TRMO: variants seen among roughly 807,000 people sequenced by gnomAD.
TRMO encodes tRNA methyltransferase O.
TRMO carries 30 observed loss-of-function variants against 37.2 expected under a neutral mutation model. The observed-to-expected ratio is 0.81, with a 90% confidence interval of 0.60 to 1.09. The LOEUF is 1.09. TRMO is among the 50% of genes least tolerant of loss of function. The pLI is 0.00. For missense variants in TRMO, 552 were observed against 549.5 expected (o/e 1.00, Z -0.05); for synonymous variants, 239 against 199.4 (o/e 1.20, Z -1.67).
chr9:97,912,180 T>G (rs1587836052), intron 3 of TRMO: 1 of 152,248 alleles, frequency 6.6e-6, no homozygotes, highest in East Asian at 1.9e-4. Flanking sequence ...TGAACACTGT[T>G]TACTAACTGT....
chr9:97,900,113 C>T (rs190946641), downstream of TRMO, among the ~76,000 whole-genome samples: 304 of 152,204 alleles, frequency 2.0e-3, no homozygotes, highest in Non-Finnish European at 3.6e-3. Context: ...TTTAGGGACC[C>T]CCTAGATCCC....
In TRMO at chr9:97,922,431, C is replaced by T. The variant is rs1210999870; in HGVS notation, c.63G>A (p.Pro21=). 3.8e-6 allele frequency: 6 copies of T among 1,584,244 alleles called. No individual in the cohort carries two copies. The highest frequency in any genetic ancestry group is 1.8e-5 in the Admixed American group (1 of 55,004). ...PTATPCGCVK[P]ALETGNLLTE... ...GTTGGAAGTTACCTGTCTCCAGAGC[C>T]GGCTTAACGCAGCCGCACGGGGTCG... is the stretch of plus-strand genomic sequence containing the variant. Residue 21 remains proline, a synonymous_variant, in exon 1 of 5, where the codon CCG becomes CCA. Transcript: ENST00000375119.
intron 1 of TRMO, among the ~76,000 whole-genome samples, chr9:97,919,682 T>C (rs1826536945): frequency 6.6e-6 from 1 of 152,250 alleles, no homozygotes; most frequent in African/African-American, 2.4e-5. Flanking sequence ...ATTTATATTA[T>C]AGCTGATTTA....
chr9:97,913,872 A>G (rs891489853), intron 2 of TRMO: 7 of 237,696 alleles, frequency 2.9e-5, no homozygotes, highest in African/African-American at 6.8e-5. Flanking sequence ...GTAGTACGGT[A>G]AAACATTTTT....
At chr9:97,922,030 C>T (rs1172968567) in intron 1 of TRMO, among the ~76,000 whole-genome samples, 1 of 152,124 alleles carries the variant, frequency 6.6e-6, no homozygotes, top group Non-Finnish European at 1.5e-5. Context: ...AAACTTTCCC[C>T]CTTCTCTGTC....
chr9:97,911,734 A>G (rs1023309007), intron 3 of TRMO: 1 of 152,144 alleles, frequency 6.6e-6, no homozygotes, highest in African/African-American at 2.4e-5. Context: ...AATACTAAAG[A>G]CAAGTCTCCA....
At chr9:97,912,818 CG>C in intron 3 of TRMO, 1 of 740,162 alleles carries the variant, frequency 1.4e-6, no homozygotes, top group East Asian at 6.5e-5. Context: ...TCCATAAATG[CG>C]TAACTAGGTT....
chr9:97,903,810 T>C (rs1452704923), downstream of TRMO, among the ~76,000 whole-genome samples: 3 of 152,158 alleles, frequency 2.0e-5, no homozygotes, highest in African/African-American at 4.8e-5. Context: ...ACAGTAATTA[T>C]AGGCCAGGCA....
chr9:97,904,899 T>C lies in TRMO; in HGVS notation c.1160A>G (p.Tyr387Cys). 6.2e-7 allele frequency: 1 copy of C among 1,614,186 alleles called. No individual in the cohort carries two copies. Among genetic ancestry groups the C allele is most frequent in the South Asian group, 1.1e-5 (1 of 91,086 alleles). ...AVLSADPRSVYRRKLCQDRLF... is the reference protein window; with the variant it reads ...AVLSADPRSVCRRKLCQDRLF... Reference sequence around the variant, plus strand: ...GCGGTCCTGGCAAAGCTTCCGGCGGTACACAGACCGAGGATCCGCTGACAG... The same window carrying C: ...GCGGTCCTGGCAAAGCTTCCGGCGGCACACAGACCGAGGATCCGCTGACAG... Residue 387 changes from tyrosine (Y) to cysteine (C), a missense_variant, in exon 5 of 5, where the codon TAC (tyrosine) becomes TGC (cysteine). Tyr to Cys is a radical substitution (Grantham distance 194). Transcript: ENST00000375119.
the TRMO span, among the ~76,000 whole-genome samples, chr9:97,897,566 C>T: frequency 7.9e-5 from 12 of 152,304 alleles, no homozygotes; most frequent in East Asian, 1.7e-3. Flanking sequence ...AGGCCCACAG[C>T]TTAGCTCCCA....
intron 4 of TRMO, among the ~76,000 whole-genome samples, chr9:97,906,013 A>G (rs1825837868): frequency 6.6e-6 from 1 of 152,052 alleles, no homozygotes; most frequent in Non-Finnish European, 1.5e-5. Context: ...CACACAAAAA[A>G]ATTAGCCAGG....
chr9:97,900,757 C>T (rs1831151363), downstream of TRMO: 1 of 979,870 alleles, frequency 1.0e-6, no homozygotes, highest in Non-Finnish European at 1.2e-6. Context: ...TTTATTGAGT[C>T]TTCTCTTGCT....
the TRMO span, among the ~76,000 whole-genome samples, chr9:97,899,479 C>T: frequency 5.3e-5 from 8 of 151,312 alleles, no homozygotes; most frequent in Non-Finnish European, 8.9e-5. Flanking sequence ...GGCTCTGTCA[C>T]CCAGGCTGGA....
At chr9:97,905,274 CA>C (rs1443249562) in intron 4 of TRMO, among the ~76,000 whole-genome samples, 22 of 152,164 alleles carry the variant, frequency 1.4e-4, no homozygotes, top group African/African-American at 4.1e-4. Flanking sequence ...TTCTGTCAGC[CA>C]AGATGTCACT....
downstream of TRMO, chr9:97,900,903 C>A (rs1831154127): frequency 6.4e-6 from 1 of 157,282 alleles, no homozygotes; most frequent in Non-Finnish European, 1.4e-5. Flanking sequence ...TGCTCATGGG[C>A]TTAATGAGTC....
At chr9:97,917,361 G>GC (rs571643800) in intron 1 of TRMO, among the ~76,000 whole-genome samples, 11 of 152,132 alleles carry the variant, frequency 7.2e-5, no homozygotes, top group Non-Finnish European at 1.5e-4. Flanking sequence ...TTCAAGTTAG[G>GC]CTTGGTCCAG....
chr9:97,903,463 T>A (rs1825730907), downstream of TRMO, among the ~76,000 whole-genome samples: 1 of 152,190 alleles, frequency 6.6e-6, no homozygotes, highest in African/African-American at 2.4e-5. Context: ...CTCATTTCGA[T>A]CAGCTATTAA....
the TRMO span, among the ~76,000 whole-genome samples, chr9:97,898,807 G>A: frequency 8.0e-6 from 1 of 125,356 alleles, no homozygotes; most frequent in Non-Finnish European, 1.6e-5. Flanking sequence ...CTCACACCAT[G>A]ATTATAATTG....
At chr9:97,898,998 C>G in the TRMO span, among the ~76,000 whole-genome samples, 23 of 151,758 alleles carry the variant, frequency 1.5e-4, no homozygotes, top group South Asian at 1.0e-3. Context: ...TGTCACCACA[C>G]CCGGCTAATT....
Sources: allele counts gnomAD v4.1 joint callset (sites outside exome capture counted in the v4.1 genomes callset), GRCh38; gene constraint gnomAD v4.1.1; transcripts MANE v1.5; gene names NCBI Gene and HGNC (gene_info 2026-07-23, HGNC 2026-07-21).